Variants in PRKCH observed in about 807,000 individuals in gnomAD.
PRKCH encodes the protein protein kinase C eta.
In PRKCH, 28 loss-of-function variants were observed where a neutral mutation model predicts 82.5. That is an observed-to-expected ratio of 0.34 (90% CI 0.25 to 0.47). The LOEUF (loss-of-function observed/expected upper bound fraction) is 0.47, where lower values mean the gene tolerates loss of function less well. PRKCH is among the 20% of genes least tolerant of loss of function. The pLI is 1.00. For missense variants in PRKCH, 705 were observed against 881.8 expected (o/e 0.80, Z 2.54); for synonymous variants, 322 against 327.4 (o/e 0.98, Z 0.18).
At chr14:61,330,270 G>A (rs2045766854) in intron 1 of PRKCH, among the ~76,000 whole-genome samples, 1 of 152,238 alleles carries the variant, frequency 6.6e-6, no homozygotes, top group Non-Finnish European at 1.5e-5. Flanking sequence ...GCCTGCTTCA[G>A]TTAAATGACT....
At chr14:61,193,201 A>C (rs1171620924) in intron 1 of PRKCH, among the ~76,000 whole-genome samples, 1 of 152,248 alleles carries the variant, frequency 6.6e-6, no homozygotes, top group East Asian at 1.9e-4. Context: ...ATTTGGGACT[A>C]GGCTTTCCCA....
chr14:61,408,641 A>G (rs1882094715), intron 2 of PRKCH, among the ~76,000 whole-genome samples: 1 of 152,220 alleles, frequency 6.6e-6, no homozygotes, highest in Non-Finnish European at 1.5e-5. Flanking sequence ...GAGCTTATGC[A>G]CACAAGCACA....
chr14:61,276,226 A>T (rs2045200398), intron 1 of PRKCH, among the ~76,000 whole-genome samples: 1 of 152,052 alleles, frequency 6.6e-6, no homozygotes, highest in Non-Finnish European at 1.5e-5. Context: ...TTCCTGGGGA[A>T]AAAAAAATTA....
intron 1 of PRKCH, chr14:61,281,111 G>T: frequency 3.5e-6 from 5 of 1,441,190 alleles, no homozygotes; most frequent in Non-Finnish European, 4.5e-6. Flanking sequence ...GTGTTGTCGG[G>T]CTGGTGGGCG....
chr14:61,452,923 C>G, intron 6 of PRKCH: 1 of 386,636 alleles, frequency 2.6e-6, no homozygotes, highest in South Asian at 2.9e-5. Context: ...TTAGATCATA[C>G]TAAGGCAGCA....
chr14:61,279,950 A>G, intron 1 of PRKCH: 1 of 713,792 alleles, frequency 1.4e-6, no homozygotes, highest in East Asian at 2.8e-5. Flanking sequence ...CAAGGGGGGT[A>G]ATTCCCTTAT....
At chr14:61,275,737 A>G (rs1324921634) in intron 1 of PRKCH, among the ~76,000 whole-genome samples, 1 of 151,744 alleles carries the variant, frequency 6.6e-6, no homozygotes, top group Non-Finnish European at 1.5e-5. Flanking sequence ...TCCTCCAGAA[A>G]AATGCCTCAT....
At chr14:61,307,670 A>G (rs892615179) in intron 1 of PRKCH, among the ~76,000 whole-genome samples, 4 of 152,124 alleles carry the variant, frequency 2.6e-5, no homozygotes, top group Non-Finnish European at 5.9e-5. Flanking sequence ...CGTCTGGCCC[A>G]TCTTATTACA....
intron 10 of PRKCH, among the ~76,000 whole-genome samples, chr14:61,489,195 T>C (rs1383014393): frequency 6.6e-6 from 1 of 152,186 alleles, no homozygotes; most frequent in African/African-American, 2.4e-5. Context: ...TTATCATACA[T>C]GTCCCAGAAC....
intron 2 of PRKCH, among the ~76,000 whole-genome samples, chr14:61,400,039 C>T (rs1881525105): frequency 6.6e-6 from 1 of 152,216 alleles, no homozygotes; most frequent in Non-Finnish European, 1.5e-5. Context: ...TTTCTCTCTA[C>T]TAAGGCAGTG....
intron 1 of PRKCH, among the ~76,000 whole-genome samples, chr14:61,276,154 G>A (rs922174669): frequency 2.6e-5 from 4 of 152,030 alleles, no homozygotes; most frequent in Non-Finnish European, 5.9e-5. Flanking sequence ...GGTTCATGAA[G>A]ACCTTCTTAA....
At chr14:61,265,288 T>A (rs2045088234) in intron 1 of PRKCH, among the ~76,000 whole-genome samples, 1 of 151,932 alleles carries the variant, frequency 6.6e-6, no homozygotes, top group East Asian at 1.9e-4. Context: ...CAAGACCAGC[T>A]TGGGCAACAT....
At chr14:61,356,608 T>C (rs140632666) in intron 1 of PRKCH, among the ~76,000 whole-genome samples, 1,688 of 152,320 alleles carry the variant, frequency 0.011, 33 homozygotes, top group South Asian at 0.068. Context: ...GTTATTTTGA[T>C]AATTTATTAA....
At chr14:61,434,838 CAGTG>C (rs1379449228) in intron 2 of PRKCH, among the ~76,000 whole-genome samples, 2 of 152,098 alleles carry the variant, frequency 1.3e-5, no homozygotes, top group African/African-American at 2.4e-5. Context: ...CAGGGCAACA[CAGTG>C]AGACCCCAAC....
Position 61,360,504 on chromosome 14 carries a change from C to CA in PRKCH, c.364-30712dup, listed in dbSNP as rs200248624. Among the ~76,000 whole-genome samples the CA allele has an allele frequency of 2.1e-3, 300 of 143,788 alleles. 1 individual carries two copies. Among genetic ancestry groups the CA allele is most frequent in the African/African-American group, 3.8e-3 (146 of 38,766 alleles). 94.3% of individuals were successfully genotyped at this position (143,788 alleles called of 152,430 possible). A position where few individuals can be genotyped will look rare whatever the true frequency, so the allele number is the denominator to read the frequency against. On this transcript the variant is annotated intron_variant, in intron 1 of 13. Coordinates refer to ENST00000332981, the MANE Select transcript of PRKCH (RefSeq NM_006255.5). ...TGGGTGTCAGAGTGAGACTCCATCT[C>CA]AAAAAAAAAGAAAAAAGAAAAAAGA...
chr14:61,321,791 T>C lies in PRKCH; in HGVS notation c.-311T>C. The C allele has an allele frequency of 3.8e-6, 1 of 260,302 alleles. No homozygotes were observed. Among genetic ancestry groups the C allele is most frequent in the Non-Finnish European group, 7.4e-6 (1 of 134,308 alleles). 16.1% of individuals were successfully genotyped at this position (260,302 alleles called of 1,614,324 possible). On this transcript the variant is annotated 5_prime_UTR_variant, in exon 1 of 14. Coordinates refer to ENST00000332981, the MANE Select transcript of PRKCH (RefSeq NM_006255.5). The surrounding 1 kb of genome is among the most constrained non-coding windows in gnomAD (Gnocchi z 4.1). ...TCCAGGGAGAGGAGCTGCCCGGCCC[T>C]GGAGAAGGGGCGAGTCCTGCGCGAG...
intron 1 of PRKCH, among the ~76,000 whole-genome samples, chr14:61,218,163 C>G (rs1474857669): frequency 6.6e-6 from 1 of 152,152 alleles, no homozygotes; most frequent in Non-Finnish European, 1.5e-5. Flanking sequence ...AAGCTGGGTT[C>G]TCTCCAAAAA....
intron 1 of PRKCH, among the ~76,000 whole-genome samples, chr14:61,260,374 G>A (rs1449872138): frequency 6.6e-6 from 1 of 152,146 alleles, no homozygotes; most frequent in Non-Finnish European, 1.5e-5. Context: ...GAGGCAGAGT[G>A]AAACTGAATA....
intron 4 of PRKCH, among the ~76,000 whole-genome samples, chr14:61,446,541 G>A (rs1022462480): frequency 9.2e-5 from 14 of 152,322 alleles, no homozygotes; most frequent in African/African-American, 3.4e-4. Flanking sequence ...GAAGATGTGA[G>A]GTAAAACATT....
Sources: gnomAD v4.1 joint callset for allele counts (sites outside exome capture counted in the v4.1 genomes callset) on GRCh38, gnomAD v4.1.1 for gene constraint, Gnocchi (gnomAD v3.1) non-coding constraint, MANE v1.5 for transcripts, NCBI Gene and HGNC (gene_info 2026-07-23, HGNC 2026-07-21) for gene names.